The following PDCD4 variants were observed in gnomAD, a reference collection of about 807,000 sequenced individuals.
The protein encoded by PDCD4 is programmed cell death 4.
PDCD4 carries 56 observed loss-of-function variants against 54.0 expected under a neutral mutation model. The ratio of observed to expected loss-of-function variants is 1.04; its 90% CI spans 0.84 to 1.30. PDCD4 has a LOEUF of 1.30. Among genes scored for constraint, PDCD4 ranks in the 50% most tolerant of loss-of-function variants. PDCD4 has a pLI of 0.00. For synonymous variants in PDCD4, 186 were observed against 194.8 expected (o/e 0.95, Z 0.37); for missense variants, 584 against 559.8 (o/e 1.04, Z -0.44).
At chr10:110,893,308 T>G (rs552945600) in intron 8 of PDCD4, among the ~76,000 whole-genome samples, 4 of 151,982 alleles carry the variant, frequency 2.6e-5, no homozygotes. Flanking sequence ...ACTTTACCTT[T>G]TATGAAAATA....
At chr10:110,890,325 A>G (rs764207620) in intron 7 of PDCD4, among the ~76,000 whole-genome samples, 89 of 138,544 alleles carry the variant, frequency 6.4e-4, no homozygotes, top group Non-Finnish European at 1.1e-3. Flanking sequence ...GTTATTTTGT[A>G]ATGTGTTTTG....
chr10:110,874,741 C>A (rs1845475700), intron 1 of PDCD4, among the ~76,000 whole-genome samples: 1 of 151,966 alleles, frequency 6.6e-6, no homozygotes, highest in Non-Finnish European at 1.5e-5. Context: ...CAAAATAATA[C>A]CGTTTTCTGA....
rs1314431931 is a variant in PDCD4, at chr10:110,899,192, T to C, written c.*1104T>C. The C allele has an allele frequency of 6.6e-6, 1 of 152,200 alleles. No homozygotes were observed. The highest frequency in any genetic ancestry group is 1.5e-5 in the Non-Finnish European group (1 of 68,032). The allele number at this position is 152,200 out of a possible 1,614,324, so 9.4% of individuals were successfully genotyped here. On this transcript the variant is annotated 3_prime_UTR_variant, in exon 12 of 12. Transcript: ENST00000280154. ...TAACTCAGCAAGGCCTCAACGTCTG[T>C]GCTAATTTAAACTGCCAAATATTGA...
Position 110,883,057 on chromosome 10 carries a change from A to G in PDCD4, c.401A>G (p.Glu134Gly). Reference protein sequence around the residue: ...WGTPGQVYDVEEVDVKDPNYD... With the variant: ...WGTPGQVYDVGEVDVKDPNYD... The stretch of plus-strand genomic sequence containing the variant: ...ACACCTGGACAGGTGTATGATGTGG[A>G]GGAGGTGGATGTGAAAGATCCTAAC... Residue 134 changes from glutamate to glycine, a missense_variant, in exon 4 of 12, where the codon GAG (glutamate) becomes GGG (glycine). Glu to Gly is a moderately conservative substitution (Grantham distance 98). Coordinates refer to ENST00000280154, the MANE Select transcript of PDCD4 (RefSeq NM_014456.5). 1 of 1,599,068 alleles carries G rather than the reference A, an allele frequency of 6.3e-7. No homozygotes were observed.
intron 1 of PDCD4, among the ~76,000 whole-genome samples, chr10:110,873,870 AGAT>A (rs1276613077): frequency 6.6e-6 from 1 of 152,196 alleles, no homozygotes; most frequent in African/African-American, 2.4e-5. Flanking sequence ...TTAATAAAAG[AGAT>A]GATAGTCATT....
At chr10:110,889,089 G>A (rs886597632) in intron 6 of PDCD4, among the ~76,000 whole-genome samples, 2 of 151,960 alleles carry the variant, frequency 1.3e-5, no homozygotes, top group Non-Finnish European at 2.9e-5. Flanking sequence ...AATTAGCCAG[G>A]TGTGCGCCTG....
chr10:110,881,182 C>A (rs968064604), intron 2 of PDCD4, 51 bp from the exon 3 acceptor site: 2 of 1,335,850 alleles, frequency 1.5e-6, no homozygotes, highest in African/African-American at 1.5e-5. Context: ...ATCTATAAAA[C>A]AGTAGATACT....
At chr10:110,882,688 T>C (rs186454299) in intron 3 of PDCD4, among the ~76,000 whole-genome samples, 60 of 152,340 alleles carry the variant, frequency 3.9e-4, no homozygotes, top group African/African-American at 1.3e-3. Flanking sequence ...GAATAAAATT[T>C]AGAGCTCAGC....
chr10:110,883,692 T>A (rs1465394558), intron 4 of PDCD4, among the ~76,000 whole-genome samples: 1 of 152,342 alleles, frequency 6.6e-6, no homozygotes, highest in East Asian at 1.9e-4. Context: ...CCACCCTGTT[T>A]TGGATTATTT....
intron 1 of PDCD4, among the ~76,000 whole-genome samples, chr10:110,872,679 C>T (rs1483859634): frequency 6.6e-6 from 1 of 152,208 alleles, no homozygotes; most frequent in African/African-American, 2.4e-5. Context: ...ACGTGCCCGC[C>T]GCCCCATCCC....
chr10:110,894,699 T>A (rs1184504227), intron 10 of PDCD4, among the ~76,000 whole-genome samples, 177 bp downstream of exon 10: 1 of 151,670 alleles, frequency 6.6e-6, no homozygotes, highest in Non-Finnish European at 1.5e-5. Flanking sequence ...CAACCATTTT[T>A]TGGAAAGTAA....
In PDCD4 at chr10:110,890,589, T is replaced by C; in HGVS notation, c.909T>C (p.Ser303=). 1.2e-6 allele frequency: 2 copies of C among 1,613,096 alleles called. No homozygotes were observed. The highest frequency in any genetic ancestry group is 1.7e-6 in the Non-Finnish European group (2 of 1,179,384). Residue 303 remains serine (S), a synonymous_variant, in exon 8 of 12, where the codon AGT becomes AGC. Transcript: ENST00000280154. ...AALDKATVLL[S]MSKGGKRKDS... ...TGGATAAGGCTACCGTGCTTCTGAG[T>C]ATGTCTAAAGGTGGAAAGCGTAAAG...
In PDCD4 at chr10:110,887,855, A is replaced by C. The variant is rs751472771; in HGVS notation, c.746A>C (p.Glu249Ala). Residue 249 changes from glutamate (E) to alanine (A), a missense_variant, in exon 6 of 12, where the codon GAA becomes GCA. Glu to Ala is a moderately radical substitution (Grantham distance 107). Transcript: ENST00000280154. ...GATAAATTGTTGAAAGATCTACCTG[A>C]ATTAGCACTGGATACTCCTAGAGCA... ...SFDKLLKDLP[E>A]LALDTPRAPQ... 1 of 1,612,318 alleles carries C rather than the reference A, an allele frequency of 6.2e-7. No homozygotes were observed. The highest frequency in any genetic ancestry group is 2.2e-5 in the East Asian group (1 of 44,824).
rs745902660 is a variant in PDCD4, at chr10:110,890,635, G to A, written c.955G>A (p.Gly319Ser). The A allele has an allele frequency of 3.1e-6, 5 of 1,612,586 alleles. No homozygotes were observed. The South Asian group carries it at 5.5e-5, about 18-fold the overall frequency. ...KRKDSVWGSG[G>S]GQQSVNHLVK... ...TAAAGATAGTGTGTGGGGCTCTGGA[G>A]GTGGGCAGCAATCTGTCAATCACCT... is the stretch of plus-strand genomic sequence containing the variant. The change falls in exon 8 of 12, where the codon GGT becomes AGT. Residue 319 changes from glycine (G) to serine (S), a missense_variant. Coordinates refer to ENST00000280154, the MANE Select transcript of PDCD4 (RefSeq NM_014456.5).
chr10:110,881,980 T>C lies in PDCD4; in HGVS notation c.346+445T>C, dbSNP rs779120421. Among the ~76,000 whole-genome samples, 55 of 152,226 alleles carry C rather than the reference T, an allele frequency of 3.6e-4. 1 individual carries two copies. Among genetic ancestry groups the C allele is most frequent in the Non-Finnish European group, 7.2e-4 (49 of 68,024 alleles). On this transcript the variant is annotated intron_variant, in intron 3 of 11. Transcript: ENST00000280154. ...GATCTCACGGTGAGTTCTCTTTAGC[T>C]CTTTATTTTGGGTTCTGTAGTAGAT... is the stretch of plus-strand genomic sequence containing the variant.
chr10:110,876,442 G>A (rs1409235844), intron 2 of PDCD4, among the ~76,000 whole-genome samples: 1 of 152,124 alleles, frequency 6.6e-6, no homozygotes, highest in Non-Finnish European at 1.5e-5. Context: ...TATTTTTAAA[G>A]TCAAGTTTGT....
At chr10:110,881,831 T>G (rs2135198823) in intron 3 of PDCD4, among the ~76,000 whole-genome samples, 1 of 152,214 alleles carries the variant, frequency 6.6e-6, no homozygotes, top group Non-Finnish European at 1.5e-5. Context: ...TTTACGTATA[T>G]TCTCTAAGTT....
At chr10:110,887,233 G>A (rs1404621113) in intron 5 of PDCD4, among the ~76,000 whole-genome samples, 2 of 152,048 alleles carry the variant, frequency 1.3e-5, no homozygotes, top group Admixed American at 1.3e-4. Context: ...ATTCAGTATA[G>A]TAACATACTA....
At position 110,889,523 on chromosome 10, in the gene PDCD4, C is replaced by CT. The variant is rs774883993; in HGVS notation, c.778-5dup. 7 of 1,472,548 alleles carry CT rather than the reference C, an allele frequency of 4.8e-6. No individual in the cohort carries two copies. In the South Asian group the frequency reaches 8.8e-5, roughly 19 times the overall value. The allele number at this position is 1,472,548 out of a possible 1,614,324, so 91.2% of individuals were successfully genotyped here. ...TTTTTTTATAGCTCTTTTTTTTTTC[C>CT]TTTTTACAGTTGGTGGGCCAGTTTA... On this transcript the variant is annotated splice_polypyrimidine_tract_variant and intron_variant, in intron 6 of 11. Transcript: ENST00000280154.
Sources: allele counts gnomAD v4.1 joint callset (sites outside exome capture counted in the v4.1 genomes callset), GRCh38; gene constraint gnomAD v4.1.1; transcripts MANE v1.5; gene names NCBI Gene and HGNC (gene_info 2026-07-23, HGNC 2026-07-21).